GNAQ: variants seen among roughly 807,000 people sequenced by gnomAD.
GNAQ encodes the protein guanine nucleotide-binding protein G(q) subunit alpha.
In GNAQ, 8 loss-of-function variants were observed where a neutral mutation model predicts 43.9. The ratio of observed to expected loss-of-function variants is 0.18; its 90% CI spans 0.11 to 0.33. The LOEUF is 0.33. Among genes scored for constraint, GNAQ ranks in the 10% least tolerant of loss-of-function variants. The pLI is 1.00. For missense variants in GNAQ, 158 were observed against 450.8 expected (o/e 0.35, Z 5.88); for synonymous variants, 155 against 170.7 (o/e 0.91, Z 0.71).
intron 1 of GNAQ, among the ~76,000 whole-genome samples, chr9:77,984,596 A>T (rs1476585881): frequency 1.3e-5 from 2 of 152,220 alleles, no homozygotes; most frequent in Non-Finnish European, 2.9e-5. Context: ...TCTTACAAAC[A>T]AGTAGCTCCT....
chr9:77,942,420 T>G (rs937832606), intron 1 of GNAQ, among the ~76,000 whole-genome samples: 1 of 152,232 alleles, frequency 6.6e-6, no homozygotes, highest in African/African-American at 2.4e-5. Flanking sequence ...TTGTTTTTCT[T>G]AATTCTGCAG....
intron 2 of GNAQ, among the ~76,000 whole-genome samples, chr9:77,900,822 C>T (rs2118154533): frequency 6.6e-6 from 1 of 152,306 alleles, no homozygotes; most frequent in African/African-American, 2.4e-5. Flanking sequence ...CTGTTAAAAG[C>T]CGCCTTCTTC....
At chr9:77,932,674 C>T (rs936681360) in intron 1 of GNAQ, among the ~76,000 whole-genome samples, 40 of 152,170 alleles carry the variant, frequency 2.6e-4, no homozygotes, top group South Asian at 4.1e-4. Flanking sequence ...GTAGGAGGCA[C>T]GGCAGGAGCA....
intron 2 of GNAQ, among the ~76,000 whole-genome samples, chr9:77,855,199 CAA>C (rs937910542): frequency 2.6e-5 from 4 of 151,606 alleles, no homozygotes; most frequent in African/African-American, 4.9e-5. Context: ...AGAAGGGAAA[CAA>C]GAGGAGACAT....
chr9:77,734,926 A>C (rs558340047), intron 5 of GNAQ, among the ~76,000 whole-genome samples: 1 of 152,206 alleles, frequency 6.6e-6, no homozygotes, highest in Non-Finnish European at 1.5e-5. Flanking sequence ...TTTAACACAG[A>C]TCTTCAAAGT....
chr9:77,868,555 T>G (rs1050268280), intron 2 of GNAQ, among the ~76,000 whole-genome samples: 1 of 152,182 alleles, frequency 6.6e-6, no homozygotes, highest in African/African-American at 2.4e-5. Context: ...CCCAGCACTT[T>G]GGGAGGCAGA....
At chr9:78,017,629 A>G (rs753255113) in intron 1 of GNAQ, among the ~76,000 whole-genome samples, 4 of 152,214 alleles carry the variant, frequency 2.6e-5, no homozygotes. Flanking sequence ...TCTAAAGCAG[A>G]TCATGATTTT....
intron 1 of GNAQ, among the ~76,000 whole-genome samples, chr9:77,981,019 C>G (rs1215820936): frequency 6.6e-6 from 1 of 152,126 alleles, no homozygotes; most frequent in Non-Finnish European, 1.5e-5. Flanking sequence ...TGCCAGACTC[C>G]CACACACTTA....
At chr9:77,794,428 A>C in intron 5 of GNAQ, 35 bp downstream of exon 5, 2 of 1,436,004 alleles carry the variant, frequency 1.4e-6, no homozygotes, top group Non-Finnish European at 1.9e-6. Flanking sequence ...CAGATAATAA[A>C]ATGATAATCC....
chr9:78,005,405 G>A (rs866727598), intron 1 of GNAQ, among the ~76,000 whole-genome samples: 1 of 152,176 alleles, frequency 6.6e-6, no homozygotes, highest in Non-Finnish European at 1.5e-5. Flanking sequence ...ATGTAGGAAG[G>A]GTGGGGAATT....
chr9:77,868,553 T>C (rs1437552311), intron 2 of GNAQ, among the ~76,000 whole-genome samples: 1 of 151,960 alleles, frequency 6.6e-6, no homozygotes, highest in African/African-American at 2.4e-5. Flanking sequence ...ATCCCAGCAC[T>C]TTGGGAGGCA....
chr9:77,764,008 A>G (rs891595213), intron 5 of GNAQ, among the ~76,000 whole-genome samples: 1 of 152,208 alleles, frequency 6.6e-6, no homozygotes, highest in Admixed American at 6.5e-5. Context: ...CAATAGTGAA[A>G]TAAGAGTTGC....
chr9:77,848,679 G>A (rs1827623747), intron 2 of GNAQ, among the ~76,000 whole-genome samples: 1 of 152,198 alleles, frequency 6.6e-6, no homozygotes, highest in Admixed American at 6.5e-5. Flanking sequence ...CCAGGGAGCT[G>A]AGCCTTTGCC....
At chr9:77,895,275 G>A (rs1032735481) in intron 2 of GNAQ, among the ~76,000 whole-genome samples, 8 of 151,686 alleles carry the variant, frequency 5.3e-5, no homozygotes, top group African/African-American at 1.9e-4. Flanking sequence ...ACATGTGTTA[G>A]TTCATTTAAT....
At chr9:78,017,282 C>CA (rs953391176) in intron 1 of GNAQ, among the ~76,000 whole-genome samples, 75 of 152,008 alleles carry the variant, frequency 4.9e-4, no homozygotes, top group African/African-American at 1.8e-3. Context: ...AAAGTTGAGA[C>CA]AAAAAAATGA....
Position 77,720,141 on chromosome 9 carries a change from G to C in GNAQ, c.*1182C>G, listed in dbSNP as rs1825287635. 4.3e-6 allele frequency: 1 copy of C among 232,830 alleles called. No homozygotes were observed. The highest frequency in any genetic ancestry group is 8.5e-6 in the Non-Finnish European group (1 of 117,820). 14.4% of individuals were successfully genotyped at this position (232,830 alleles called of 1,614,324 possible). On this transcript the variant is annotated 3_prime_UTR_variant, in exon 7 of 7. Transcript: ENST00000286548. ...TGAACACTAACAATGTCATCTTAAG[G>C]ACAAAGAAAAGAATGGACCGTGAGA... is the stretch of plus-strand genomic sequence containing the variant.
chr9:77,852,656 C>G (rs1241444373), intron 2 of GNAQ, among the ~76,000 whole-genome samples: 1 of 152,232 alleles, frequency 6.6e-6, no homozygotes, highest in Non-Finnish European at 1.5e-5. Context: ...AACTTTGGGA[C>G]TACGTGATCG....
intron 1 of GNAQ, among the ~76,000 whole-genome samples, chr9:77,924,422 G>A (rs191530015): frequency 6.6e-6 from 1 of 152,230 alleles, no homozygotes; most frequent in East Asian, 1.9e-4. Flanking sequence ...TTGCTCTGAA[G>A]GCCCAAGTGT....
chr9:77,929,935 G>GT (rs1418543489), intron 1 of GNAQ, among the ~76,000 whole-genome samples: 1 of 152,028 alleles, frequency 6.6e-6, no homozygotes, highest in Non-Finnish European at 1.5e-5. Context: ...TTCAGAAATG[G>GT]TTAATAATGA....
Sources: allele counts gnomAD v4.1 joint callset (sites outside exome capture counted in the v4.1 genomes callset), GRCh38; gene constraint gnomAD v4.1.1; transcripts MANE v1.5; gene names NCBI Gene and HGNC (gene_info 2026-07-23, HGNC 2026-07-21).